Variants in PDE4D observed in about 807,000 individuals in gnomAD.
The protein encoded by PDE4D is phosphodiesterase 4D.
PDE4D carries 24 observed loss-of-function variants against 87.4 expected under a neutral mutation model. The observed-to-expected ratio is 0.27, with a 90% CI of 0.20 to 0.39. The LOEUF (loss-of-function observed/expected upper bound fraction) is 0.39, where lower values mean the gene tolerates loss of function less well. Among genes scored for constraint, PDE4D ranks in the 10% least tolerant of loss-of-function variants. The pLI is 1.00. For synonymous variants in PDE4D, 384 were observed against 383.2 expected (o/e 1.00, Z -0.02); for missense variants, 714 against 1,041.0 (o/e 0.69, Z 4.32).
chr5:59,348,728 C>A (rs1442303020), intron 1 of PDE4D, among the ~76,000 whole-genome samples: 1 of 146,458 alleles, frequency 6.8e-6, no homozygotes, highest in Non-Finnish European at 1.5e-5. Context: ...TTACTCTATT[C>A]ACAATCCATC....
chr5:59,768,370 C>T, intron 1 of PDE4D: 1 of 1,598,368 alleles, frequency 6.3e-7, no homozygotes, highest in Non-Finnish European at 8.5e-7. Context: ...AACCGATTTC[C>T]TCGCTGTCTT....
chr5:59,754,885 A>C (rs543050701), intron 1 of PDE4D, among the ~76,000 whole-genome samples: 1 of 146,866 alleles, frequency 6.8e-6, no homozygotes, highest in Admixed American at 7.0e-5. Context: ...ACAGAGTACC[A>C]ACATACTTTC....
chr5:60,101,068 G>A (rs1776167696), intron 2 of PDE4D, among the ~76,000 whole-genome samples: 1 of 152,116 alleles, frequency 6.6e-6, no homozygotes, highest in African/African-American at 2.4e-5. Context: ...AATGGAGTTT[G>A]TGGGGTTGAG....
intron 1 of PDE4D, among the ~76,000 whole-genome samples, chr5:59,825,366 C>A (rs1313233942): frequency 6.6e-6 from 1 of 152,164 alleles, no homozygotes; most frequent in Admixed American, 6.5e-5. Flanking sequence ...TTAGAAGCTA[C>A]AGAGTTAAGA....
At chr5:59,578,019 A>G (rs981356574) in intron 1 of PDE4D, among the ~76,000 whole-genome samples, 4 of 152,256 alleles carry the variant, frequency 2.6e-5, no homozygotes, top group African/African-American at 9.6e-5. Flanking sequence ...TAAGCTTCAT[A>G]GCGGTTTTGA....
chr5:59,824,190 C>A (rs910531300), intron 1 of PDE4D, among the ~76,000 whole-genome samples: 1 of 152,134 alleles, frequency 6.6e-6, no homozygotes, highest in African/African-American at 2.4e-5. Flanking sequence ...ATACAATCAA[C>A]AACTATCACT....
At chr5:59,547,169 G>C (rs1440550652) in intron 1 of PDE4D, among the ~76,000 whole-genome samples, 2 of 152,142 alleles carry the variant, frequency 1.3e-5, no homozygotes. Context: ...AAAATAAGGA[G>C]TAAAAATACT....
chr5:59,837,764 G>C (rs1296200627), intron 1 of PDE4D, among the ~76,000 whole-genome samples: 1 of 152,052 alleles, frequency 6.6e-6, no homozygotes, highest in Non-Finnish European at 1.5e-5. Context: ...AGATTCGAGA[G>C]TTTCCATGCA....
chr5:59,430,664 C>T (rs71627958), intron 1 of PDE4D: 280 of 295,864 alleles, frequency 9.5e-4, no homozygotes, highest in Non-Finnish European at 1.3e-3. Flanking sequence ...CATGCTCTGA[C>T]CAATTATTGG....
intron 2 of PDE4D, among the ~76,000 whole-genome samples, chr5:60,113,810 AAAC>A (rs1182571694): frequency 6.6e-6 from 1 of 152,128 alleles, no homozygotes; most frequent in African/African-American, 2.4e-5. Flanking sequence ...TCACAGTATT[AAAC>A]AACAAGAACA....
intron 1 of PDE4D, among the ~76,000 whole-genome samples, chr5:59,874,138 A>C (rs1463194274): frequency 2.0e-5 from 3 of 152,140 alleles, no homozygotes; most frequent in African/African-American, 7.2e-5. Flanking sequence ...TGGAATTCAA[A>C]GTAGCAGTGA....
intron 1 of PDE4D, among the ~76,000 whole-genome samples, chr5:59,701,402 ATTATTTGTAT>A (rs1190252012): frequency 6.6e-6 from 1 of 152,210 alleles, no homozygotes; most frequent in Non-Finnish European, 1.5e-5. Flanking sequence ...AGAAAAGGTT[ATTATTTGTAT>A]TATTTATGTT....
intron 1 of PDE4D, among the ~76,000 whole-genome samples, chr5:60,414,144 C>T (rs898392076): frequency 1.3e-5 from 2 of 152,174 alleles, no homozygotes; most frequent in African/African-American, 4.8e-5. Context: ...AGACGAATCT[C>T]CTCAAATAAA....
In PDE4D at chr5:59,456,677, T is replaced by G. The variant is rs368546585; in HGVS notation, c.456-240709A>C. 1.1e-4 allele frequency among the ~76,000 whole-genome samples: 17 copies of G among 152,222 alleles called. No individual in the cohort carries two copies. In the East Asian group the frequency reaches 2.9e-3, roughly 26 times the overall value. ...TCTGATGTATATGGATAAAGAAAAT[T>G]AAAAATCTGGATAGGAGTCACCATT... On this transcript the variant is annotated intron_variant, in intron 1 of 14. Coordinates refer to ENST00000340635, the MANE Select transcript of PDE4D (RefSeq NM_001104631.2).
intron 1 of PDE4D, among the ~76,000 whole-genome samples, chr5:59,875,624 G>T (rs1748472472): frequency 6.6e-6 from 1 of 151,748 alleles, no homozygotes; most frequent in Non-Finnish European, 1.5e-5. Context: ...TTCCCCACTG[G>T]CATCCCTTAT....
At chr5:59,404,989 G>A (rs1791369677) in intron 1 of PDE4D, among the ~76,000 whole-genome samples, 1 of 152,140 alleles carries the variant, frequency 6.6e-6, no homozygotes, top group African/African-American at 2.4e-5. Flanking sequence ...CTATAGCTCT[G>A]TAGTGTTATT....
intron 1 of PDE4D, among the ~76,000 whole-genome samples, chr5:59,856,683 T>C (rs10514888): frequency 0.072 from 10,918 of 152,190 alleles, 440 homozygotes; most frequent in Middle Eastern, 0.15. Flanking sequence ...TGGCTGAACT[T>C]TCAACTGAAG....
chr5:59,312,492 T>G (rs1004193187), intron 1 of PDE4D, among the ~76,000 whole-genome samples: 5 of 152,102 alleles, frequency 3.3e-5, no homozygotes, highest in Non-Finnish European at 7.4e-5. Context: ...GGTAATAAAA[T>G]GAAGTAAGAT....
intron 1 of PDE4D, among the ~76,000 whole-genome samples, chr5:59,680,185 A>T (rs1471884097): frequency 6.6e-6 from 1 of 152,152 alleles, no homozygotes; most frequent in African/African-American, 2.4e-5. Context: ...ATCATGTACA[A>T]ATAACCAGAT....
Sources: gnomAD v4.1 joint callset for allele counts (sites outside exome capture counted in the v4.1 genomes callset) on GRCh38, gnomAD v4.1.1 for gene constraint, MANE v1.5 for transcripts, NCBI Gene and HGNC (gene_info 2026-07-23, HGNC 2026-07-21) for gene names.